TCF20: variants seen among roughly 807,000 people sequenced by gnomAD.
TCF20 encodes transcription factor 20, also known as SPRE-binding protein.
TCF20 carries 3 observed loss-of-function variants against 148.6 expected under a neutral mutation model. The ratio of observed to expected loss-of-function variants is 0.02; its 90% confidence interval spans 0.01 to 0.05. The LOEUF (loss-of-function observed/expected upper bound fraction) is 0.05, where lower values mean the gene tolerates loss of function less well. TCF20 is among the 10% of genes least tolerant of loss of function. TCF20 has a pLI of 1.00. For synonymous variants in TCF20, 1,049 were observed against 909.5 expected (o/e 1.15, Z -2.76); for missense variants, 2,350 against 2,429.3 (o/e 0.97, Z 0.69).
intron 1 of TCF20, among the ~76,000 whole-genome samples, chr22:42,251,668 AATTTTTAT>A (rs1263769916): frequency 2.0e-5 from 3 of 149,662 alleles, no homozygotes; most frequent in Non-Finnish European, 3.0e-5. Context: ...ATGCCTAGAT[AATTTTTAT>A]ATTTTTAGTA....
At chr22:42,209,400 A>G (rs1920923173) in intron 2 of TCF20, among the ~76,000 whole-genome samples, 1 of 152,238 alleles carries the variant, frequency 6.6e-6, no homozygotes, top group African/African-American at 2.4e-5. Context: ...GTGCGTTAGA[A>G]AAGATGTGGC....
chr22:42,161,463 C>A, intron 5 of TCF20, 105 bp from the exon 6 acceptor site: 2 of 1,449,758 alleles, frequency 1.4e-6, no homozygotes, highest in South Asian at 1.2e-5. Context: ...AGGGAGCCTG[C>A]ACTCACGCCC....
intron 1 of TCF20, among the ~76,000 whole-genome samples, chr22:42,240,127 C>CAG (rs1924264708): frequency 6.6e-6 from 1 of 152,210 alleles, no homozygotes; most frequent in Non-Finnish European, 1.5e-5. Flanking sequence ...TTAACTGGCA[C>CAG]AGCCACCCAC....
chr22:42,337,738 G>A (rs1360000339), intron 1 of TCF20, among the ~76,000 whole-genome samples: 1 of 152,234 alleles, frequency 6.6e-6, no homozygotes, highest in Non-Finnish European at 1.5e-5. Flanking sequence ...GTAGTTTCAG[G>A]CATTCTGGAT....
intron 1 of TCF20, among the ~76,000 whole-genome samples, chr22:42,328,728 C>T (rs1017618910): frequency 3.3e-5 from 5 of 152,242 alleles, no homozygotes; most frequent in Admixed American, 6.5e-5. Flanking sequence ...TGCTGGCACA[C>T]GGTCAGGGCT....
chr22:42,323,870 T>A (rs79143358), intron 1 of TCF20, among the ~76,000 whole-genome samples: 3,653 of 90,434 alleles, frequency 0.04, 96 homozygotes, highest in Middle Eastern at 0.081. Context: ...ATGGTGGTGG[T>A]GGTGGTGGTG....
At chr22:42,301,329 G>T (rs1440764581) in intron 1 of TCF20, among the ~76,000 whole-genome samples, 1 of 152,236 alleles carries the variant, frequency 6.6e-6, no homozygotes, top group Non-Finnish European at 1.5e-5. Flanking sequence ...ACGCCCCAGG[G>T]AGACAGAGGA....
At chr22:42,339,108 C>A (rs1017436284) in intron 1 of TCF20, among the ~76,000 whole-genome samples, 2 of 152,134 alleles carry the variant, frequency 1.3e-5, no homozygotes, top group Admixed American at 6.5e-5. Context: ...AGGTGCTCCC[C>A]AAAGAGTCCG....
chr22:42,209,687 A>G lies in TCF20; in HGVS notation c.5619T>C (p.Tyr1873=), dbSNP rs1310363014. The change falls in exon 2 of 6, where the codon TAT becomes TAC. Residue 1873 remains tyrosine (Y), a synonymous_variant. Coordinates refer to ENST00000677622, the MANE Select transcript of TCF20 (RefSeq NM_001378418.1). ...CTATTTCCAGCGCTTCCTGCAGGCCATAGAGCCTGCCACAAACCAGGTAGA... is the reference window on the plus strand; with the variant it reads ...CTATTTCCAGCGCTTCCTGCAGGCCGTAGAGCCTGCCACAAACCAGGTAGA... ...NGIYLVCGRL[Y]GLQEALEIAR... is the part of the protein sequence containing the mutation. 3 of 1,614,206 alleles carry G rather than the reference A, an allele frequency of 1.9e-6. No individual in the cohort carries two copies. Among genetic ancestry groups the G allele is most frequent in the Non-Finnish European group, 1.7e-6 (2 of 1,180,020 alleles).
chr22:42,211,902 G>T lies in TCF20; in HGVS notation c.3404C>A (p.Pro1135His). Residue 1135 changes from proline to histidine, a missense_variant, in exon 2 of 6, where the codon CCT becomes CAT. Pro to His is a moderately conservative substitution (Grantham distance 77). Transcript: ENST00000677622. The stretch of plus-strand genomic sequence containing the variant: ...CATACCATCTTTGTCATTTTTCAGA[G>T]GGCTCCGTACTCTGTCAAGAAACTG... ...QQQFLDRVRS[P>H]LKNDKDGMMY... 2 of 1,614,114 alleles carry T rather than the reference G, an allele frequency of 1.2e-6. No individual in the cohort carries two copies. Among genetic ancestry groups the T allele is most frequent in the Non-Finnish European group, 1.7e-6 (2 of 1,180,028 alleles).
At chr22:42,283,572 G>A (rs1926959835) in intron 1 of TCF20, among the ~76,000 whole-genome samples, 1 of 151,530 alleles carries the variant, frequency 6.6e-6, no homozygotes. Context: ...CCGCCTCCCC[G>A]CCCTCCATCG....
At chr22:42,227,133 A>C (rs1172362688) in intron 1 of TCF20, among the ~76,000 whole-genome samples, 1 of 152,108 alleles carries the variant, frequency 6.6e-6, no homozygotes, top group African/African-American at 2.4e-5. Flanking sequence ...AAATACAAAA[A>C]TTAGCTGGGC....
intron 2 of TCF20, among the ~76,000 whole-genome samples, chr22:42,205,777 C>A (rs1938344364): frequency 6.6e-6 from 1 of 151,996 alleles, no homozygotes; most frequent in African/African-American, 2.4e-5. Flanking sequence ...TAACTTTTTT[C>A]TTATTTTTTT....
chr22:42,204,519 A>T (rs1370251703), intron 2 of TCF20, among the ~76,000 whole-genome samples: 1 of 151,920 alleles, frequency 6.6e-6, no homozygotes, highest in African/African-American at 2.4e-5. Context: ...AAAAAACCCT[A>T]AATATAATCT....
At chr22:42,238,727 G>C (rs758189325) in intron 1 of TCF20, among the ~76,000 whole-genome samples, 5 of 152,220 alleles carry the variant, frequency 3.3e-5, no homozygotes, top group African/African-American at 7.2e-5. Context: ...GGGACACCCA[G>C]TTGGCAGCAG....
chr22:42,331,633 T>A (rs1037164333), intron 1 of TCF20, among the ~76,000 whole-genome samples: 2 of 152,234 alleles, frequency 1.3e-5, no homozygotes, highest in African/African-American at 2.4e-5. Context: ...TCCCTTGACA[T>A]GTCTAGGGCT....
chr22:42,339,508 G>C (rs11913087), intron 1 of TCF20, among the ~76,000 whole-genome samples: 5 of 152,230 alleles, frequency 3.3e-5, no homozygotes, highest in African/African-American at 9.6e-5. Flanking sequence ...GAACTGCATG[G>C]AAGGCCAAGT....
At chr22:42,264,055 G>C (rs950750378) in intron 1 of TCF20, among the ~76,000 whole-genome samples, 2 of 152,078 alleles carry the variant, frequency 1.3e-5, no homozygotes, top group Non-Finnish European at 2.9e-5. Context: ...GAGAAGGCAC[G>C]CTGGATGCCA....
chr22:42,180,580 A>T (rs1363140369), intron 2 of TCF20, among the ~76,000 whole-genome samples: 1 of 152,242 alleles, frequency 6.6e-6, no homozygotes, highest in Admixed American at 6.5e-5. Flanking sequence ...TAGCTGGAAG[A>T]GACAGAAACT....
Sources: allele counts gnomAD v4.1 joint callset (sites outside exome capture counted in the v4.1 genomes callset), GRCh38; gene constraint gnomAD v4.1.1; transcripts MANE v1.5; gene names NCBI Gene and HGNC (gene_info 2026-07-23, HGNC 2026-07-21).